The following PTPRN2 variants were observed in gnomAD, a reference collection of about 807,000 sequenced individuals.
The protein encoded by PTPRN2 is receptor-type tyrosine-protein phosphatase N2.
PTPRN2 carries 74 observed loss-of-function variants against 118.8 expected under a neutral mutation model. That is an observed-to-expected ratio of 0.62 (90% CI 0.52 to 0.76). The LOEUF (loss-of-function observed/expected upper bound fraction) is 0.76. PTPRN2 is among the 30% of genes least tolerant of loss of function. PTPRN2 has a pLI of 0.00. For synonymous variants in PTPRN2, 641 were observed against 608.0 expected (o/e 1.05, Z -0.80); for missense variants, 1,481 against 1,394.4 (o/e 1.06, Z -0.99).
chr7:158,286,470 T>C (rs1799778347), intron 3 of PTPRN2, among the ~76,000 whole-genome samples: 1 of 152,262 alleles, frequency 6.6e-6, no homozygotes, highest in African/African-American at 2.4e-5. Context: ...CCATTGCGTA[T>C]GATGTTATCT....
chr7:157,935,137 T>C (rs746850065), intron 11 of PTPRN2, among the ~76,000 whole-genome samples: 2 of 152,262 alleles, frequency 1.3e-5, no homozygotes, highest in South Asian at 2.1e-4. Context: ...TAATTTTCTT[T>C]GCACTTAACT....
At chr7:157,800,769 G>A (rs1029636314) in intron 12 of PTPRN2, among the ~76,000 whole-genome samples, 22 of 151,916 alleles carry the variant, frequency 1.4e-4, no homozygotes, top group Admixed American at 1.1e-3. Context: ...TGGCCAACAC[G>A]GTGAAACCCC....
intron 1 of PTPRN2, among the ~76,000 whole-genome samples, chr7:158,506,859 C>T (rs147327774): frequency 1.1e-4 from 17 of 152,320 alleles, no homozygotes; most frequent in African/African-American, 3.8e-4. Flanking sequence ...CCGATGGTTG[C>T]AAGAGCAGGA....
rs376549335 is a variant in PTPRN2 at position 158,273,398 on chromosome 7, A to G, written c.277+43421T>C. ...CTGTCCCAGCGTCGTGGATGCAGAC[A>G]CGGGAGGAGCCGCAGACAGACGCGG... On this transcript the variant is annotated intron_variant, in intron 3 of 22. Transcript: ENST00000389418. 9.3e-4 allele frequency among the ~76,000 whole-genome samples: 132 copies of G among 141,210 alleles called. 2 individuals carry two copies. The highest frequency in any genetic ancestry group is 3.6e-3 in the Middle Eastern group (1 of 278). 92.6% of individuals were successfully genotyped at this position (141,210 alleles called of 152,430 possible). A position where few individuals can be genotyped will look rare whatever the true frequency, so the allele number is the denominator to read the frequency against.
intron 14 of PTPRN2, among the ~76,000 whole-genome samples, chr7:157,642,978 C>T (rs1381763551): frequency 1.3e-5 from 2 of 152,236 alleles, no homozygotes; most frequent in Non-Finnish European, 2.9e-5. Flanking sequence ...CACCCACCTT[C>T]TCTGGAGCCC....
chr7:158,450,931 C>T (rs1196487308), intron 2 of PTPRN2, among the ~76,000 whole-genome samples: 1 of 152,196 alleles, frequency 6.6e-6, no homozygotes, highest in Non-Finnish European at 1.5e-5. Flanking sequence ...CACCTGCTGT[C>T]CAAGCCCCCG....
intron 2 of PTPRN2, among the ~76,000 whole-genome samples, chr7:158,434,836 T>A (rs974247952): frequency 5.3e-5 from 8 of 152,192 alleles, no homozygotes; most frequent in African/African-American, 1.9e-4. Context: ...ACACGGGACC[T>A]TGATTTATCA....
chr7:158,510,789 C>T lies in PTPRN2; in HGVS notation c.113-21004G>A, dbSNP rs866975629. ...GAATGTAAAGAATAAGCCGACAGGT[C>T]GGATGTGAATGTAAAGAATAAGCCG... On this transcript the variant is annotated intron_variant, in intron 1 of 22. Coordinates refer to ENST00000389418, the MANE Select transcript of PTPRN2 (RefSeq NM_002847.5). Among the ~76,000 whole-genome samples, 6 of 152,188 alleles carry T rather than the reference C, an allele frequency of 3.9e-5. No homozygotes were observed. The South Asian group carries it at 8.3e-4, about 21-fold the overall frequency.
intron 1 of PTPRN2, among the ~76,000 whole-genome samples, chr7:158,540,191 TTTCC>T (rs1287578669): frequency 1.3e-5 from 2 of 152,154 alleles, no homozygotes; most frequent in African/African-American, 2.4e-5. Flanking sequence ...TCACTCTGCA[TTTCC>T]TCATGGTTCT....
At position 157,755,463 on chromosome 7, in the gene PTPRN2, CG is replaced by C. The variant is rs779481882; in HGVS notation, c.1789-72527del. On this transcript the variant is annotated intron_variant, in intron 12 of 22. Coordinates refer to ENST00000389418, the MANE Select transcript of PTPRN2 (RefSeq NM_002847.5). ...GTTCATGTTTACAGCTGTGTCTTCA[CG>C]GGGGGGTTTGAGAAGTTGAGTCATC... Among the ~76,000 whole-genome samples, 17 of 152,050 alleles carry C rather than the reference CG, an allele frequency of 1.1e-4. No individual in the cohort carries two copies. In the East Asian group the frequency reaches 3.1e-3, roughly 28 times the overall value.
intron 3 of PTPRN2, among the ~76,000 whole-genome samples, chr7:158,301,230 C>T (rs896899180): frequency 5.3e-5 from 8 of 152,114 alleles, no homozygotes; most frequent in Non-Finnish European, 1.5e-5. Flanking sequence ...TTGCACGGGC[C>T]GTGCAAATTA....
At chr7:157,660,981 T>C (rs1173374376) in intron 13 of PTPRN2, among the ~76,000 whole-genome samples, 4 of 152,266 alleles carry the variant, frequency 2.6e-5, no homozygotes, top group Non-Finnish European at 5.9e-5. Flanking sequence ...CTTGAACTCC[T>C]GACCTTAGGT....
chr7:157,797,300 G>A (rs774035649), intron 12 of PTPRN2, among the ~76,000 whole-genome samples: 88 of 152,344 alleles, frequency 5.8e-4, no homozygotes, highest in African/African-American at 1.6e-3. Context: ...CTCATGAAGC[G>A]GAGGAGAGTC....
At chr7:158,501,353 C>T (rs1265515636) in intron 1 of PTPRN2, among the ~76,000 whole-genome samples, 1 of 152,230 alleles carries the variant, frequency 6.6e-6, no homozygotes, top group East Asian at 1.9e-4. Flanking sequence ...CTGTACCCCC[C>T]GATTTCAGCA....
intron 1 of PTPRN2, among the ~76,000 whole-genome samples, chr7:158,527,036 T>C (rs1357335942): frequency 6.6e-6 from 1 of 152,058 alleles, no homozygotes; most frequent in Non-Finnish European, 1.5e-5. Context: ...TTGTGACAAA[T>C]ATCACCAGAA....
intron 2 of PTPRN2, among the ~76,000 whole-genome samples, chr7:158,329,448 C>A (rs368261116): frequency 1.3e-5 from 2 of 152,296 alleles, no homozygotes; most frequent in African/African-American, 2.4e-5. Context: ...AGCAGGCGGA[C>A]GGCTGAGAGG....
At chr7:157,946,516 A>C (rs1006567222) in intron 11 of PTPRN2, among the ~76,000 whole-genome samples, 9 of 152,250 alleles carry the variant, frequency 5.9e-5, no homozygotes, top group Non-Finnish European at 2.9e-5. Flanking sequence ...ATCAGCATGC[A>C]GCCCAGATGT....
intron 10 of PTPRN2, among the ~76,000 whole-genome samples, chr7:158,100,634 G>A (rs1430370914): frequency 6.6e-6 from 1 of 152,106 alleles, no homozygotes; most frequent in East Asian, 1.9e-4. Context: ...GTTTCGATTT[G>A]CATTTCCCTG....
rs201206667 is a variant in PTPRN2, at chr7:157,557,282, CAT to C, written c.2903-8265_2903-8264del. 2.8e-4 allele frequency among the ~76,000 whole-genome samples: 43 copies of C among 151,702 alleles called. No individual in the cohort carries two copies. The East Asian group carries it at 5.4e-3, about 19-fold the overall frequency. Reference sequence around the variant, plus strand: ...CACACAACACTCACATCCTACATCACATGTGCACACAAACACCCACACTTCAC... The same window carrying C: ...CACACAACACTCACATCCTACATCACGTGCACACAAACACCCACACTTCAC... On this transcript the variant is annotated intron_variant, in intron 21 of 22. Coordinates refer to ENST00000389418, the MANE Select transcript of PTPRN2 (RefSeq NM_002847.5).
Sources: gnomAD v4.1 joint callset for allele counts (sites outside exome capture counted in the v4.1 genomes callset) on GRCh38, gnomAD v4.1.1 for gene constraint, MANE v1.5 for transcripts, NCBI Gene and HGNC (gene_info 2026-07-23, HGNC 2026-07-21) for gene names.